WDR44: variants seen among roughly 807,000 people sequenced by gnomAD.
WDR44 encodes the protein WD repeat domain 44.
In WDR44, 9 loss-of-function variants were observed where a neutral mutation model predicts 65.7. That is an observed-to-expected ratio of 0.14 (90% CI 0.08 to 0.24). The LOEUF is 0.24. WDR44 is among the 10% of genes least tolerant of loss of function. The probability of loss-of-function intolerance (pLI) is 1.00; values close to 1 mark genes in which losing one functional copy is unlikely to be tolerated. For synonymous variants in WDR44, 220 were observed against 235.2 expected, an observed-to-expected ratio of 0.94 and a Z score of 0.59; for missense variants, 425 against 670.9, an observed-to-expected ratio of 0.63 and a Z score of 4.05.
At chrX:118,408,373 C>T (rs997396934) in intron 10 of WDR44, among the ~76,000 whole-genome samples, 3 of 103,997 alleles carry the variant, frequency 2.9e-5, no homozygotes, top group African/African-American at 7.4e-5. Flanking sequence ...TAGGATGAGA[C>T]CACACCACTC....
intron 17 of WDR44, 41 bp from the exon 18 acceptor site, chrX:118,443,519 A>G (rs1361496758): frequency 8.4e-7 from 1 of 1,197,382 alleles, no homozygotes; most frequent in Non-Finnish European, 1.1e-6. Context: ...ACATATACAC[A>G]CACACATTTT....
intron 12 of WDR44, among the ~76,000 whole-genome samples, chrX:118,423,233 A>G (rs1198967948): frequency 2.7e-5 from 3 of 111,090 alleles, no homozygotes; most frequent in Non-Finnish European, 5.7e-5. Context: ...CAGTGGCACA[A>G]TCTTGGCTCA....
At chrX:118,397,278 G>A (rs774212040) in intron 7 of WDR44, among the ~76,000 whole-genome samples, 172 bp downstream of exon 7, 4 of 111,498 alleles carry the variant, frequency 3.6e-5, no homozygotes, top group South Asian at 3.7e-4. Flanking sequence ...CATTATGACT[G>A]TACAGTTACT....
intron 2 of WDR44, among the ~76,000 whole-genome samples, chrX:118,382,232 T>TTTTGTTTGTTTG: frequency 9.0e-6 from 1 of 111,055 alleles, no homozygotes; most frequent in African/African-American, 3.3e-5. Flanking sequence ...AAGGTGGTTT[T>TTTTGTTTGTTTG]TTTGTTTGTT....
At chrX:118,417,829 G>A (rs1038957662) in intron 12 of WDR44, among the ~76,000 whole-genome samples, 4 of 111,596 alleles carry the variant, frequency 3.6e-5, no homozygotes, top group Non-Finnish European at 7.5e-5. Context: ...TTATTCTTAG[G>A]TTTGGTGTTT....
chrX:118,444,546 A>T, intron 19 of WDR44, 52 bp downstream of exon 19: 1 of 1,141,634 alleles, frequency 8.8e-7, no homozygotes, highest in Non-Finnish European at 1.2e-6. Context: ...TAGTAGCCTC[A>T]TTTATCTCAT....
intron 1 of WDR44, among the ~76,000 whole-genome samples, chrX:118,355,026 A>G (rs2056446786): frequency 8.9e-6 from 1 of 112,251 alleles, no homozygotes; most frequent in Non-Finnish European, 1.9e-5. Flanking sequence ...GTCCTCTTTT[A>G]ATTCTGTGCC....
intron 15 of WDR44, 124 bp downstream of exon 15, chrX:118,441,683 C>G: frequency 1.8e-6 from 1 of 550,792 alleles, no homozygotes; most frequent in East Asian, 3.7e-5. Flanking sequence ...ACAAATAATA[C>G]CATGTCTGTC....
At position 118,393,038 on chromosome X, in the gene WDR44, T is replaced by C. The variant is rs764273995; in HGVS notation, c.593T>C (p.Leu198Ser). 1 of 1,211,919 alleles carries C rather than the reference T, an allele frequency of 8.3e-7. No homozygotes were observed. Among genetic ancestry groups the C allele is most frequent in the Admixed American group, 2.2e-5 (1 of 46,044 alleles). The part of the protein sequence containing the change: ...DVLEPVSSDS[L>S]STKDFAAVEE... ...TTAGAGCCTGTGTCCTCAGACTCCT[T>C]ATCTACTAAAGATTTTGCCGCTGTG... Residue 198 changes from leucine to serine, a missense_variant, in exon 4 of 20, where the codon TTA (leucine) becomes TCA (serine). Physicochemically the swap from Leu to Ser is moderately radical, Grantham distance 145. This residue lies in a region of WDR44 where 193 missense variants were observed against 209.0 expected (regional missense o/e 0.92). Coordinates refer to ENST00000254029, the MANE Select transcript of WDR44 (RefSeq NM_019045.5).
chrX:118,443,161 C>T (rs1362807456), intron 17 of WDR44, among the ~76,000 whole-genome samples: 1 of 111,840 alleles, frequency 8.9e-6, no homozygotes, highest in Non-Finnish European at 1.9e-5. Context: ...AATTTGGGTT[C>T]TGGACACTCT....
At chrX:118,427,135 C>G (rs1277890967) in intron 12 of WDR44, among the ~76,000 whole-genome samples, 3 of 111,118 alleles carry the variant, frequency 2.7e-5, no homozygotes, top group African/African-American at 9.8e-5. Flanking sequence ...GGATAAGAGT[C>G]TCCCTCTGTC....
chrX:118,432,796 G>A lies in WDR44; in HGVS notation c.1753G>A (p.Asp585Asn). The stretch of plus-strand genomic sequence containing the variant: ...ATCCAAATAGGTATGCAGTGGAACT[G>A]ATGAAGACCCTGATGATAAAAACGC... ...DTDTGVCSGT[D>N]EDPDDKNAPF... The change falls in exon 13 of 20, where the codon GAT becomes AAT. Residue 585 changes from aspartate (D) to asparagine (N), a missense_variant. Transcript: ENST00000254029. The A allele has an allele frequency of 8.3e-7, 1 of 1,210,430 alleles. No individual in the cohort carries two copies. The highest frequency in any genetic ancestry group is 1.1e-6 in the Non-Finnish European group (1 of 894,165).
chrX:118,402,815 G>T (rs2056931153), intron 8 of WDR44, among the ~76,000 whole-genome samples: 1 of 112,413 alleles, frequency 8.9e-6, no homozygotes, highest in South Asian at 3.7e-4. Flanking sequence ...TTAAATGGGA[G>T]AAATAGGCAT....
chrX:118,369,544 A>G (rs2147676046), intron 1 of WDR44, among the ~76,000 whole-genome samples: 1 of 92,372 alleles, frequency 1.1e-5, no homozygotes, highest in South Asian at 5.6e-4. Context: ...ATCTCGGCTC[A>G]CTGCAAGCTC....
Position 118,404,368 on chromosome X carries a change from A to G in WDR44, c.1305A>G (p.Ser435=), listed in dbSNP as rs1693264674. Reference sequence around the variant, plus strand: ...AACTAAAGAAGTTTCTTGGAAAATCAGTAAAGAGAGCAAAGCACCTTGCTG... The same window carrying G: ...AACTAAAGAAGTTTCTTGGAAAATCGGTAAAGAGAGCAAAGCACCTTGCTG... ...TTQLKKFLGK[S]VKRAKHLAEE... Residue 435 remains serine, a synonymous_variant, in exon 9 of 20, where the codon TCA becomes TCG. Transcript: ENST00000254029. 3.3e-6 allele frequency: 4 copies of G among 1,205,711 alleles called. No homozygotes were observed. Among genetic ancestry groups the G allele is most frequent in the African/African-American group, 1.7e-5 (1 of 57,648 alleles).
intron 1 of WDR44, among the ~76,000 whole-genome samples, chrX:118,350,135 C>A (rs2056392029): frequency 8.9e-6 from 1 of 111,926 alleles, no homozygotes; most frequent in South Asian, 3.6e-4. Flanking sequence ...ATTCCACTTT[C>A]TTTCAGCAAC....
chrX:118,411,636 C>G (rs2057014037), intron 12 of WDR44, among the ~76,000 whole-genome samples: 4 of 111,837 alleles, frequency 3.6e-5, no homozygotes, highest in Admixed American at 9.5e-5. Context: ...CTCTTATACT[C>G]CCACTGTTTC....
chrX:118,428,811 A>G (rs2057181582), intron 12 of WDR44, among the ~76,000 whole-genome samples: 1 of 112,533 alleles, frequency 8.9e-6, no homozygotes, highest in Non-Finnish European at 1.9e-5. Context: ...AAAAATGCCT[A>G]TCAATGATAG....
At chrX:118,357,781 G>T in intron 1 of WDR44, among the ~76,000 whole-genome samples, 1 of 109,497 alleles carries the variant, frequency 9.1e-6, no homozygotes, top group South Asian at 4.0e-4. Context: ...CTAGGTGGGC[G>T]TAGAGGGGGA....
Sources: allele counts gnomAD v4.1 joint callset (sites outside exome capture counted in the v4.1 genomes callset), GRCh38; gene constraint gnomAD v4.1.1; regional missense constraint gnomAD v4.1.1; transcripts MANE v1.5; gene names NCBI Gene and HGNC (gene_info 2026-07-23, HGNC 2026-07-21).